Variants in FSTL4 observed in about 807,000 individuals in gnomAD.
FSTL4 encodes the protein follistatin like 4.
FSTL4 carries 28 observed loss-of-function variants against 78.2 expected under a neutral mutation model. That is an observed-to-expected ratio of 0.36 (90% CI 0.27 to 0.49). FSTL4 has a LOEUF of 0.49. FSTL4 is among the 20% of genes least tolerant of loss of function. FSTL4 has a pLI of 0.98. For missense variants in FSTL4, 922 were observed against 1,084.9 expected, an observed-to-expected ratio of 0.85 and a Z score of 2.11; for synonymous variants, 422 against 440.5, an observed-to-expected ratio of 0.96 and a Z score of 0.53.
chr5:133,652,142 CT>C, the FSTL4 span, among the ~76,000 whole-genome samples: 1 of 151,928 alleles, frequency 6.6e-6, no homozygotes, highest in Non-Finnish European at 1.5e-5. Flanking sequence ...TGTCTTCTGC[CT>C]TTTTTCTTAG....
chr5:133,734,689 C>T, the FSTL4 span, among the ~76,000 whole-genome samples: 3 of 152,142 alleles, frequency 2.0e-5, no homozygotes, highest in Non-Finnish European at 4.4e-5. Context: ...TTGCTTGGAG[C>T]GTGGTGAGCC....
chr5:133,604,089 C>A, intron 1 of FSTL4, 96 bp from the exon 2 acceptor site: 2 of 896,280 alleles, frequency 2.2e-6, no homozygotes, highest in Non-Finnish European at 3.5e-6. Flanking sequence ...ATCAGATAAG[C>A]CTGGGTTTAA....
intron 14 of FSTL4, among the ~76,000 whole-genome samples, chr5:133,206,536 A>G (rs1197741890): frequency 6.6e-6 from 1 of 151,686 alleles, no homozygotes; most frequent in Admixed American, 6.6e-5. Context: ...TAATTTTTGT[A>G]TTTTTAGTAG....
At chr5:133,498,731 A>C (rs553882532) in intron 3 of FSTL4, among the ~76,000 whole-genome samples, 284 of 151,958 alleles carry the variant, frequency 1.9e-3, no homozygotes, top group Middle Eastern at 0.01. Context: ...AAAAAAAAAA[A>C]GGATCATGCC....
At chr5:133,438,284 A>G (rs574838598) in intron 3 of FSTL4, among the ~76,000 whole-genome samples, 1 of 152,342 alleles carries the variant, frequency 6.6e-6, no homozygotes, top group South Asian at 2.1e-4. Context: ...CTGCTCCATT[A>G]TCTTCTGGCA....
chr5:133,360,976 A>G (rs1755056397), intron 4 of FSTL4, among the ~76,000 whole-genome samples: 1 of 152,214 alleles, frequency 6.6e-6, no homozygotes, highest in African/African-American at 2.4e-5. Flanking sequence ...TTGAGAATAA[A>G]ACTGTTCAAT....
chr5:133,378,547 TA>T (rs1338083387), intron 4 of FSTL4, among the ~76,000 whole-genome samples: 4 of 152,276 alleles, frequency 2.6e-5, no homozygotes, highest in Middle Eastern at 3.4e-3. Flanking sequence ...CAAAATTATT[TA>T]AATCAGTAAA....
the FSTL4 span, among the ~76,000 whole-genome samples, chr5:133,739,668 C>T: frequency 6.6e-6 from 1 of 152,240 alleles, no homozygotes; most frequent in Non-Finnish European, 1.5e-5. Context: ...CTCATGTTTA[C>T]TGAGCACCAA....
chr5:133,493,684 C>A (rs1222054435), intron 3 of FSTL4, among the ~76,000 whole-genome samples: 1 of 152,186 alleles, frequency 6.6e-6, no homozygotes, highest in Non-Finnish European at 1.5e-5. Flanking sequence ...CCTCAGGGTG[C>A]CATGACATTG....
the FSTL4 span, among the ~76,000 whole-genome samples, chr5:133,830,272 C>T: frequency 3.9e-5 from 6 of 152,208 alleles, no homozygotes; most frequent in Admixed American, 3.9e-4. Flanking sequence ...CCTGGCTGAG[C>T]AGGCTTCTGG....
chr5:133,787,943 T>C, the FSTL4 span, among the ~76,000 whole-genome samples: 2 of 152,278 alleles, frequency 1.3e-5, no homozygotes, highest in African/African-American at 4.8e-5. Flanking sequence ...GCACCTAGCA[T>C]GGAGCCTGGA....
At chr5:133,311,257 A>C (rs1167773094) in intron 6 of FSTL4, among the ~76,000 whole-genome samples, 1 of 152,094 alleles carries the variant, frequency 6.6e-6, no homozygotes, top group Non-Finnish European at 1.5e-5. Context: ...CAAGACAAAC[A>C]CCTCCGCAGC....
intron 6 of FSTL4, among the ~76,000 whole-genome samples, chr5:133,294,352 A>G (rs1406555043): frequency 1.3e-5 from 2 of 152,076 alleles, no homozygotes; most frequent in Non-Finnish European, 2.9e-5. Flanking sequence ...ACCACGTGCA[A>G]CTTTTTGATG....
At chr5:133,280,110 C>T (rs1005513543) in intron 6 of FSTL4, among the ~76,000 whole-genome samples, 1 of 152,186 alleles carries the variant, frequency 6.6e-6, no homozygotes. Flanking sequence ...GGTTTAAAGC[C>T]ACCATGTGAT....
chr5:133,550,126 G>C, intron 3 of FSTL4, among the ~76,000 whole-genome samples: 1 of 152,214 alleles, frequency 6.6e-6, no homozygotes, highest in African/African-American at 2.4e-5. Context: ...TGAGTTTTTG[G>C]CCTCTTATGA....
chr5:133,702,113 T>C, the FSTL4 span, among the ~76,000 whole-genome samples: 2 of 152,230 alleles, frequency 1.3e-5, no homozygotes, highest in East Asian at 3.8e-4. Flanking sequence ...CACATTTTAG[T>C]ACTGAGCACA....
Position 133,578,356 on chromosome 5 carries a change from G to A in FSTL4, c.127-11137C>T, listed in dbSNP as rs528382766. On this transcript the variant is annotated intron_variant, in intron 2 of 15. Transcript: ENST00000265342. Reference sequence around the variant, plus strand: ...AGCTGCAGGCCTGAGGAAGCCACCCGGATACTTCCCACTCCAGTTTGCCCA... The same window carrying A: ...AGCTGCAGGCCTGAGGAAGCCACCCAGATACTTCCCACTCCAGTTTGCCCA... 7.2e-5 allele frequency among the ~76,000 whole-genome samples: 11 copies of A among 152,318 alleles called. No individual in the cohort carries two copies. The South Asian group carries it at 1.0e-3, about 14-fold the overall frequency.
chr5:133,401,695 T>C (rs1756227582), intron 3 of FSTL4, among the ~76,000 whole-genome samples: 1 of 151,890 alleles, frequency 6.6e-6, no homozygotes, highest in South Asian at 2.1e-4. Flanking sequence ...TAACTGGGAG[T>C]GGCGGAGATC....
At chr5:133,245,453 C>A (rs1269742515) in intron 7 of FSTL4, among the ~76,000 whole-genome samples, 1 of 152,254 alleles carries the variant, frequency 6.6e-6, no homozygotes, top group Non-Finnish European at 1.5e-5. Context: ...ATTGCTAAGA[C>A]TCTTAATGTT....
Sources: allele counts gnomAD v4.1 joint callset (sites outside exome capture counted in the v4.1 genomes callset), GRCh38; gene constraint gnomAD v4.1.1; transcripts MANE v1.5; gene names NCBI Gene and HGNC (gene_info 2026-07-23, HGNC 2026-07-21).